TENM3: variants seen among roughly 807,000 people sequenced by gnomAD.
TENM3 encodes the protein teneurin-3.
Under a neutral mutation model 255.1 loss-of-function variants are expected in TENM3, and 63 were observed. That is an observed-to-expected ratio of 0.25 (90% confidence interval 0.20 to 0.30). The LOEUF is 0.30. TENM3 is among the 10% of genes least tolerant of loss of function. The probability of loss-of-function intolerance (pLI) is 1.00; values close to 1 mark genes in which losing one functional copy is unlikely to be tolerated. For missense variants in TENM3, 2,929 were observed against 3,461.1 expected (o/e 0.85, Z 3.86); for synonymous variants, 1,306 against 1,322.3 (o/e 0.99, Z 0.27).
chr4:182,054,398 G>A, the TENM3 span, among the ~76,000 whole-genome samples: 17 of 152,254 alleles, frequency 1.1e-4, 1 homozygote, highest in African/African-American at 3.1e-4. Context: ...AACAGCTTAC[G>A]TGAAACAAAT....
intron 7 of TENM3, among the ~76,000 whole-genome samples, chr4:182,674,762 G>A (rs755096824): frequency 1.1e-4 from 16 of 152,116 alleles, no homozygotes; most frequent in Non-Finnish European, 1.9e-4. Flanking sequence ...TTTTTGTAGA[G>A]ATGTGGTTTC....
the TENM3 span, among the ~76,000 whole-genome samples, chr4:181,746,568 T>G: frequency 4.6e-5 from 7 of 152,016 alleles, no homozygotes; most frequent in African/African-American, 1.7e-4. Flanking sequence ...ATTGAAAAAT[T>G]TTTTTTCTTT....
At chr4:181,605,039 C>T in the TENM3 span, among the ~76,000 whole-genome samples, 3 of 152,296 alleles carry the variant, frequency 2.0e-5, no homozygotes, top group South Asian at 6.2e-4. Context: ...ATCTTACATC[C>T]ACCATGTGAT....
At chr4:181,573,034 A>G in the TENM3 span, among the ~76,000 whole-genome samples, 1 of 132,454 alleles carries the variant, frequency 7.5e-6, no homozygotes, top group Non-Finnish European at 1.7e-5. Flanking sequence ...TAACATAATG[A>G]CCCTCTGATT....
chr4:182,577,532 A>G (rs1206875725), intron 3 of TENM3, among the ~76,000 whole-genome samples: 2 of 152,252 alleles, frequency 1.3e-5, no homozygotes, highest in Non-Finnish European at 2.9e-5. Flanking sequence ...CAGTATTGCT[A>G]TATTGAAGAA....
intron 3 of TENM3, among the ~76,000 whole-genome samples, chr4:182,423,445 T>A (rs773520756): frequency 8.5e-5 from 13 of 152,192 alleles, no homozygotes; most frequent in Non-Finnish European, 1.5e-4. Context: ...TTTCCGGCTC[T>A]TTGGTGATGT....
At chr4:182,180,472 A>G (rs150262138) in intron 1 of TENM3, among the ~76,000 whole-genome samples, 48 of 152,282 alleles carry the variant, frequency 3.2e-4, no homozygotes, top group Non-Finnish European at 6.0e-4. Flanking sequence ...CCTTCATAGC[A>G]TCTGGTGATG....
chr4:182,538,250 T>C (rs1740531501), intron 3 of TENM3, among the ~76,000 whole-genome samples: 1 of 152,130 alleles, frequency 6.6e-6, no homozygotes, highest in South Asian at 2.1e-4. Flanking sequence ...CACAAGGCAT[T>C]TGGCTAAATG....
chr4:181,546,439 A>T, the TENM3 span, among the ~76,000 whole-genome samples: 1 of 151,040 alleles, frequency 6.6e-6, no homozygotes, highest in Admixed American at 6.6e-5. Flanking sequence ...CCTGAGGCTG[A>T]GCGCGGTGGC....
chr4:182,480,506 AG>A (rs1734092098), intron 3 of TENM3, among the ~76,000 whole-genome samples: 1 of 152,030 alleles, frequency 6.6e-6, no homozygotes, highest in Non-Finnish European at 1.5e-5. Flanking sequence ...ACAGTTTTTA[AG>A]TTTGCTTGTA....
chr4:181,655,041 G>T, the TENM3 span, among the ~76,000 whole-genome samples: 1 of 152,212 alleles, frequency 6.6e-6, no homozygotes, highest in African/African-American at 2.4e-5. Flanking sequence ...CTTTTAAAGA[G>T]ATGAGAGTAA....
chr4:182,448,217 C>A (rs1020744539), intron 3 of TENM3, among the ~76,000 whole-genome samples: 3 of 152,206 alleles, frequency 2.0e-5, no homozygotes, highest in Non-Finnish European at 4.4e-5. Context: ...GCCCCCGCCA[C>A]GGGCCGGTCC....
chr4:182,442,484 C>G (rs1772563991), intron 3 of TENM3, among the ~76,000 whole-genome samples: 1 of 152,208 alleles, frequency 6.6e-6, no homozygotes, highest in South Asian at 2.1e-4. Context: ...GCACTAGTCA[C>G]CAATGAATAA....
At chr4:181,560,148 T>C in the TENM3 span, among the ~76,000 whole-genome samples, 3 of 152,328 alleles carry the variant, frequency 2.0e-5, no homozygotes, top group Non-Finnish European at 2.9e-5. Flanking sequence ...GTTTAGGCAC[T>C]AGCAGACTCA....
At chr4:182,356,806 T>C (rs565958277) in intron 3 of TENM3, among the ~76,000 whole-genome samples, 217 of 151,868 alleles carry the variant, frequency 1.4e-3, no homozygotes, top group African/African-American at 4.7e-3. Flanking sequence ...CATGCTGGTG[T>C]GCTGCACCCA....
intron 1 of TENM3, among the ~76,000 whole-genome samples, chr4:182,311,613 G>T (rs1762450464): frequency 6.6e-6 from 1 of 152,188 alleles, no homozygotes; most frequent in Non-Finnish European, 1.5e-5. Flanking sequence ...ATGCGAAAAT[G>T]GAGTTGATAA....
intron 2 of TENM3, among the ~76,000 whole-genome samples, chr4:182,330,436 C>T (rs773787958): frequency 7.2e-5 from 11 of 152,172 alleles, no homozygotes; most frequent in Admixed American, 2.6e-4. Context: ...ACGGCTGTTG[C>T]TTCCTCCTCG....
chr4:182,573,392 T>C (rs1201267117), intron 3 of TENM3, among the ~76,000 whole-genome samples: 1 of 152,198 alleles, frequency 6.6e-6, no homozygotes, highest in Non-Finnish European at 1.5e-5. Context: ...TTTTCAAGTA[T>C]ATTCCTCAGA....
intron 4 of TENM3, among the ~76,000 whole-genome samples, chr4:182,611,202 CA>C (rs1019975093): frequency 9.2e-5 from 14 of 151,790 alleles, no homozygotes; most frequent in Non-Finnish European, 1.8e-4. Flanking sequence ...TTACATTTGA[CA>C]GGAAAAAAAC....
Sources: gnomAD v4.1 joint callset for allele counts (sites outside exome capture counted in the v4.1 genomes callset) on GRCh38, gnomAD v4.1.1 for gene constraint, MANE v1.5 for transcripts, NCBI Gene and HGNC (gene_info 2026-07-23, HGNC 2026-07-21) for gene names.